The following ZNF469 variants were observed in gnomAD, a reference collection of about 807,000 sequenced individuals.
ZNF469 encodes the protein zinc finger protein 469.
ZNF469 carries 1 observed loss-of-function variant against 1.0 expected under a neutral mutation model. The observed-to-expected ratio is 1.00, with a 90% CI of 0.35 to 4.73. ZNF469 has a LOEUF of 4.73. ZNF469 is among the 30% of genes most tolerant of loss of function. The pLI, the probability that ZNF469 is intolerant of heterozygous loss-of-function variation, is 0.16. For synonymous variants in ZNF469, 2,703 were observed against 2,363.4 expected, an observed-to-expected ratio of 1.14 and a Z score of -4.17; for missense variants, 6,100 against 5,356.3, an observed-to-expected ratio of 1.14 and a Z score of -4.33.
chr16:88,355,778 C>T, the ZNF469 span, among the ~76,000 whole-genome samples: 37 of 152,242 alleles, frequency 2.4e-4, no homozygotes, highest in South Asian at 7.1e-3. Flanking sequence ...GAACTGTGAG[C>T]GGGGCCGGGG....
rs1171020770 is a variant in ZNF469 at position 88,435,711 on chromosome 16, G to T, written c.8241G>T (p.Gln2747His). The T allele has an allele frequency of 6.4e-7, 1 of 1,550,816 alleles. No homozygotes were observed. The highest frequency in any genetic ancestry group is 2.0e-5 in the Admixed American group (1 of 51,016). The change falls in exon 3 of 3, where the codon CAG becomes CAT. Residue 2747 changes from glutamine to histidine, a missense_variant. Transcript: ENST00000565624. Reference sequence around the variant, plus strand: ...CTCTGGGGGAACAGCCAACTGGGCAGAAGGGAGCCTCGGCAAGGGGGTTCT... The same window carrying T: ...CTCTGGGGGAACAGCCAACTGGGCATAAGGGAGCCTCGGCAAGGGGGTTCT... ...GAALGEQPTG[Q>H]KGASARGFWG...
chr16:88,251,536 G>GTGTTTTTT, the ZNF469 span, among the ~76,000 whole-genome samples: 1,344 of 78,778 alleles, frequency 0.017, 155 homozygotes, highest in Non-Finnish European at 0.025. Context: ...TGTCCCTGCT[G>GTGTTTTTT]TCTTTTTTTT....
the ZNF469 span, among the ~76,000 whole-genome samples, chr16:88,335,121 G>T: frequency 2.6e-5 from 4 of 152,188 alleles, no homozygotes; most frequent in African/African-American, 9.7e-5. Context: ...GCCTTGATCT[G>T]GGACTCGCAG....
chr16:88,387,262 T>C (rs1904361446), intron 1 of ZNF469, among the ~76,000 whole-genome samples: 1 of 152,170 alleles, frequency 6.6e-6, no homozygotes, highest in African/African-American at 2.4e-5. Context: ...GCCTTGGCCC[T>C]CCTCAGGTGC....
At chr16:88,405,655 C>G (rs1474367986) in intron 1 of ZNF469, among the ~76,000 whole-genome samples, 2 of 152,194 alleles carry the variant, frequency 1.3e-5, no homozygotes, top group Non-Finnish European at 2.9e-5. Flanking sequence ...GCAGAGGGTG[C>G]AGCTGGGCCC....
At chr16:88,313,521 G>A in the ZNF469 span, among the ~76,000 whole-genome samples, 2 of 151,122 alleles carry the variant, frequency 1.3e-5, no homozygotes, top group East Asian at 2.0e-4. Context: ...GCTGGTGTGG[G>A]CTGTCTCTGT....
At chr16:88,252,589 T>C in the ZNF469 span, among the ~76,000 whole-genome samples, 2 of 152,196 alleles carry the variant, frequency 1.3e-5, no homozygotes, top group Non-Finnish European at 2.9e-5. Flanking sequence ...AAGGTTCACA[T>C]AACCACTCAG....
At chr16:88,245,254 G>A in the ZNF469 span, among the ~76,000 whole-genome samples, 18 of 152,334 alleles carry the variant, frequency 1.2e-4, no homozygotes, top group South Asian at 4.1e-4. Flanking sequence ...ACTTAGGACC[G>A]ATGTAGTAAG....
the ZNF469 span, among the ~76,000 whole-genome samples, chr16:88,154,624 C>G: frequency 9.8e-5 from 15 of 152,342 alleles, no homozygotes; most frequent in African/African-American, 3.6e-4. Context: ...AGCTGAGGCT[C>G]AGAGAGAAGG....
rs879507905 is a variant in ZNF469 at position 88,397,635 on chromosome 16, G to T, written c.-192+14381G>T. ...TGGATGGATGGGTGGATGGATGGATGGATGGATGGATATAAATAAGAGATA... is the reference window on the plus strand; with the variant it reads ...TGGATGGATGGGTGGATGGATGGATTGATGGATGGATATAAATAAGAGATA... On this transcript the variant is annotated intron_variant, in intron 1 of 2. Transcript: ENST00000565624. 5.2e-3 allele frequency among the ~76,000 whole-genome samples: 463 copies of T among 88,478 alleles called. 4 individuals are homozygous for T. The highest frequency in any genetic ancestry group is 0.023 in the African/African-American group (443 of 19,508). 58.0% of individuals were successfully genotyped at this position (88,478 alleles called of 152,430 possible).
the ZNF469 span, among the ~76,000 whole-genome samples, chr16:88,167,629 C>A: frequency 3.3e-5 from 5 of 152,194 alleles, no homozygotes; most frequent in Admixed American, 2.0e-4. Flanking sequence ...AGGTGGGGGG[C>A]AGGACCCAGA....
At chr16:88,210,719 T>C in the ZNF469 span, among the ~76,000 whole-genome samples, 1 of 152,262 alleles carries the variant, frequency 6.6e-6, no homozygotes, top group Admixed American at 6.5e-5. Flanking sequence ...ACTTTGACCA[T>C]CTACGAACTA....
rs1287465678 is a variant in ZNF469, at chr16:88,429,490, G to A, written c.2020G>A (p.Asp674Asn). The change falls in exon 3 of 3, where the codon GAT becomes AAT. Residue 674 changes from aspartate (D) to asparagine (N), a missense_variant. Coordinates refer to ENST00000565624, the MANE Select transcript of ZNF469 (RefSeq NM_001367624.2). ...EPAKAFPFPA[D>N]GLGAEGAFQC... ...AGCCAAGGCCTTCCCTTTTCCCGCA[G>A]ATGGGCTGGGAGCCGAGGGTGCCTT... is the stretch of plus-strand genomic sequence containing the variant. 1 of 1,430,218 alleles carries A rather than the reference G, an allele frequency of 7.0e-7. No individual in the cohort carries two copies. Among genetic ancestry groups the A allele is most frequent in the Non-Finnish European group, 9.3e-7 (1 of 1,072,638 alleles). 88.6% of individuals were successfully genotyped at this position (1,430,218 alleles called of 1,614,324 possible).
chr16:88,174,939 C>CGT, the ZNF469 span, among the ~76,000 whole-genome samples: 522 of 150,382 alleles, frequency 3.5e-3, 1 homozygote, highest in African/African-American at 9.9e-3. Flanking sequence ...TAGGGTCAAC[C>CGT]GTGTGTGTGT....
the ZNF469 span, among the ~76,000 whole-genome samples, chr16:88,216,409 G>A: frequency 1.3e-5 from 2 of 151,778 alleles, no homozygotes; most frequent in South Asian, 2.1e-4. Flanking sequence ...CAGGAGAATT[G>A]CGTGAACCCG....
At chr16:88,409,027 T>C (rs1476629275) in intron 1 of ZNF469, among the ~76,000 whole-genome samples, 1 of 152,224 alleles carries the variant, frequency 6.6e-6, no homozygotes, top group Admixed American at 6.5e-5. Context: ...GGGCCCTCCC[T>C]AGCTGCAGGG....
the ZNF469 span, among the ~76,000 whole-genome samples, chr16:88,132,930 C>G: frequency 6.6e-6 from 1 of 152,248 alleles, no homozygotes; most frequent in African/African-American, 2.4e-5. Context: ...CCCGAGCTGA[C>G]CACCACAGGT....
At chr16:88,381,560 A>G (rs1383758904), upstream of ZNF469, among the ~76,000 whole-genome samples, 2 of 152,206 alleles carry the variant, frequency 1.3e-5, no homozygotes, top group African/African-American at 2.4e-5. Context: ...AAACTTTAGG[A>G]AACCCGCTTG....
At chr16:88,128,179 G>T in the ZNF469 span, among the ~76,000 whole-genome samples, 1 of 152,110 alleles carries the variant, frequency 6.6e-6, no homozygotes, top group South Asian at 2.1e-4. Context: ...TGCCTGAGCC[G>T]CTGAGGATGG....
Sources: gnomAD v4.1 joint callset for allele counts (sites outside exome capture counted in the v4.1 genomes callset) on GRCh38, gnomAD v4.1.1 for gene constraint, MANE v1.5 for transcripts, NCBI Gene and HGNC (gene_info 2026-07-23, HGNC 2026-07-21) for gene names.